JADE1: variants seen among roughly 807,000 people sequenced by gnomAD.
JADE1 encodes jade family PHD finger 1.
A neutral mutation model predicts 81.8 loss-of-function variants in JADE1; 14 were observed. The ratio of observed to expected loss-of-function variants is 0.17; its 90% CI spans 0.11 to 0.27. JADE1 has a LOEUF of 0.27. Among genes scored for constraint, JADE1 ranks in the 10% least tolerant of loss-of-function variants. The pLI is 1.00. For missense variants in JADE1, 690 were observed against 1,047.9 expected (o/e 0.66, Z 4.71); for synonymous variants, 353 against 391.9 (o/e 0.90, Z 1.17).
chr4:128,858,654 G>T (rs1414787475), intron 8 of JADE1, among the ~76,000 whole-genome samples: 4 of 150,198 alleles, frequency 2.7e-5, no homozygotes, highest in African/African-American at 9.8e-5. Flanking sequence ...CCAAGCTGGA[G>T]TGCAGTGGCA....
intron 1 of JADE1, among the ~76,000 whole-genome samples, chr4:128,818,145 G>T (rs1432302049): frequency 1.3e-5 from 2 of 150,566 alleles, no homozygotes; most frequent in Non-Finnish European, 1.5e-5. Flanking sequence ...TTTTGAGATA[G>T]AGTCTTGCTC....
chr4:128,861,270 G>A (rs911964884), intron 8 of JADE1, among the ~76,000 whole-genome samples: 1 of 152,208 alleles, frequency 6.6e-6, no homozygotes, highest in Non-Finnish European at 1.5e-5. Flanking sequence ...CATGTCATTT[G>A]TGTAATCATG....
At position 128,871,484 on chromosome 4, in the gene JADE1, G is replaced by C; in HGVS notation, c.1751G>C (p.Gly584Ala). The C allele has an allele frequency of 6.2e-7, 1 of 1,614,146 alleles. No homozygotes were observed. The highest frequency in any genetic ancestry group is 8.5e-7 in the Non-Finnish European group (1 of 1,180,038). Residue 584 changes from glycine to alanine, a missense_variant, in exon 11 of 11, where the codon GGT becomes GCT. Coordinates refer to ENST00000226319, the MANE Select transcript of JADE1 (RefSeq NM_199320.4). The surrounding 1 kb of genome is among the most constrained non-coding windows in gnomAD (Gnocchi z 4.1). ...TCTGCATTCTTCAGAAAACAAATGG[G>C]TACTTCCTTGGTTCATTCGCTGAAA... The part of the protein sequence containing the change: ...WHSAFFRKQM[G>A]TSLVHSLKKP...
In JADE1 at chr4:128,843,036, G is replaced by A; in HGVS notation, c.136G>A (p.Glu46Lys). The A allele has an allele frequency of 6.2e-7, 1 of 1,612,988 alleles. No homozygotes were observed. The highest frequency in any genetic ancestry group is 8.5e-7 in the Non-Finnish European group (1 of 1,179,024). ...CAGACATGAAGATCGAAAGCCTTCA[G>A]AGGTACTTCTTGAATGCTTGCCTGA... ...CSRHEDRKPS[E>K]VFRTDLITAM... Residue 46 changes from glutamate (E) to lysine (K), a missense_variant and splice_region_variant, in exon 3 of 11, where the codon GAG becomes AAG. By Grantham distance (56) the Glu-to-Lys change is moderately conservative. Around this residue, in one of 8 missense-constraint regions of JADE1, gnomAD observed 98 missense variants for 161.3 expected, o/e 0.61. Coordinates refer to ENST00000226319, the MANE Select transcript of JADE1 (RefSeq NM_199320.4).
At chr4:128,869,733 G>A (rs1732050110) in intron 10 of JADE1, among the ~76,000 whole-genome samples, 1 of 152,180 alleles carries the variant, frequency 6.6e-6, no homozygotes, top group African/African-American at 2.4e-5. Flanking sequence ...TTCAGAAAAG[G>A]AAAACAAATC....
At chr4:128,830,041 C>G (rs1728410587) in intron 1 of JADE1, among the ~76,000 whole-genome samples, 1 of 151,506 alleles carries the variant, frequency 6.6e-6, no homozygotes. Flanking sequence ...CCACGCACGG[C>G]TAATTTTTGT....
At chr4:128,845,833 A>AG (rs1729825359) in intron 3 of JADE1, among the ~76,000 whole-genome samples, 1 of 151,742 alleles carries the variant, frequency 6.6e-6, no homozygotes, top group African/African-American at 2.4e-5. Flanking sequence ...CTGAGGCAGG[A>AG]GGATAGCTTG....
At position 128,861,858 on chromosome 4, in the gene JADE1, G is replaced by T; in HGVS notation, c.1136G>T (p.Gly379Val). ...CATAGGAAACCCGAGGAGAGTCTTG[G>T]CAAGGGGGCTGCACAGGAGAATGGG... ...SSHRKPEESLGKGAAQENGAP... is the reference protein window; with the variant it reads ...SSHRKPEESLVKGAAQENGAP... The change falls in exon 9 of 11, where the codon GGC becomes GTC. Residue 379 changes from glycine to valine, a missense_variant. Physicochemically the swap from Gly to Val is moderately radical, Grantham distance 109. Around this residue, in one of 8 missense-constraint regions of JADE1, gnomAD observed 77 missense variants for 76.4 expected, o/e 1.01. Transcript: ENST00000226319. The T allele has an allele frequency of 6.2e-7, 1 of 1,614,172 alleles. No homozygotes were observed. The highest frequency in any genetic ancestry group is 8.5e-7 in the Non-Finnish European group (1 of 1,180,018).
At chr4:128,860,961 C>A (rs1331444409) in intron 8 of JADE1, among the ~76,000 whole-genome samples, 1 of 152,194 alleles carries the variant, frequency 6.6e-6, no homozygotes, top group African/African-American at 2.4e-5. Context: ...CTTTCCTGTG[C>A]TGGATTCCTC....
intron 5 of JADE1, among the ~76,000 whole-genome samples, chr4:128,849,646 T>C (rs1730179785): frequency 6.6e-6 from 1 of 152,256 alleles, no homozygotes; most frequent in African/African-American, 2.4e-5. Flanking sequence ...TATGTCATGC[T>C]GCAAACCTGG....
At chr4:128,843,392 C>T (rs1729611746) in intron 3 of JADE1, among the ~76,000 whole-genome samples, 1 of 152,196 alleles carries the variant, frequency 6.6e-6, no homozygotes, top group Admixed American at 6.5e-5. Flanking sequence ...TCAGCAGGTT[C>T]AGCTGCTGCC....
intron 6 of JADE1, among the ~76,000 whole-genome samples, chr4:128,854,871 A>G (rs1730657393): frequency 6.6e-6 from 1 of 152,174 alleles, no homozygotes; most frequent in Admixed American, 6.5e-5. Context: ...AGTTTATGCC[A>G]TCTTGTTTAA....
At chr4:128,862,635 G>T in intron 9 of JADE1, 1 of 1,019,164 alleles carries the variant, frequency 9.8e-7, no homozygotes, top group Middle Eastern at 5.1e-4. Context: ...CTAATGGAGG[G>T]GGCCAGAGAT....
intron 9 of JADE1, chr4:128,862,640 A>G (rs763178062): frequency 2.3e-4 from 234 of 1,020,124 alleles, no homozygotes; most frequent in Non-Finnish European, 2.6e-4. Flanking sequence ...GGAGGGGGCC[A>G]GAGATGGGAA....
At position 128,862,160 on chromosome 4, in the gene JADE1, C is replaced by A; in HGVS notation, c.1438C>A (p.Arg480=). The A allele has an allele frequency of 6.2e-7, 1 of 1,614,154 alleles. No homozygotes were observed. The highest frequency in any genetic ancestry group is 1.1e-5 in the South Asian group (1 of 91,080). ...AGATGAAGAGGACAATCTAGCCAAG[C>A]GGGAGCAGGATGTCTTATTTAGGAG... is the stretch of plus-strand genomic sequence containing the variant. ...KKDEEDNLAK[R]EQDVLFRRLQ... Residue 480 remains arginine (R), a synonymous_variant, in exon 9 of 11, where the codon CGG becomes AGG. Transcript: ENST00000226319.
At chr4:128,836,048 C>T (rs1296555303) in intron 2 of JADE1, among the ~76,000 whole-genome samples, 1 of 152,178 alleles carries the variant, frequency 6.6e-6, no homozygotes, top group Non-Finnish European at 1.5e-5. Flanking sequence ...CTCAGCCAGT[C>T]TCTGAAGTTA....
rs539647475 is a variant in JADE1, at chr4:128,829,582, G to A, written c.-26-2151G>A. On this transcript the variant is annotated intron_variant, in intron 1 of 10. Transcript: ENST00000226319. ...CTACTTTTTTAGGTTCAGTTCATGCGAGTCTGAATTAAATGACAAAAGACA... is the reference window on the plus strand; with the variant it reads ...CTACTTTTTTAGGTTCAGTTCATGCAAGTCTGAATTAAATGACAAAAGACA... Among the ~76,000 whole-genome samples, 6 of 152,108 alleles carry A rather than the reference G, an allele frequency of 3.9e-5. No homozygotes were observed. In the South Asian group the frequency reaches 1.2e-3, roughly 32 times the overall value.
chr4:128,830,333 A>G (rs1728444597), intron 1 of JADE1, among the ~76,000 whole-genome samples: 1 of 151,506 alleles, frequency 6.6e-6, no homozygotes, highest in Non-Finnish European at 1.5e-5. Flanking sequence ...TCCTGAGTTC[A>G]AGCGATTCTC....
intron 1 of JADE1, among the ~76,000 whole-genome samples, chr4:128,823,956 G>C (rs973367313): frequency 6.6e-6 from 1 of 152,106 alleles, no homozygotes; most frequent in Admixed American, 6.5e-5. Context: ...TGAAGTTATA[G>C]GTCATTATAT....
Sources: gnomAD v4.1 joint callset for allele counts (sites outside exome capture counted in the v4.1 genomes callset) on GRCh38, gnomAD v4.1.1 for gene constraint, gnomAD v4.1.1 regional missense constraint, Gnocchi (gnomAD v3.1) non-coding constraint, MANE v1.5 for transcripts, NCBI Gene and HGNC (gene_info 2026-07-23, HGNC 2026-07-21) for gene names.